Variants in NTNG1 observed in about 807,000 individuals in gnomAD.
NTNG1 encodes netrin G1.
Under a neutral mutation model 54.0 loss-of-function variants are expected in NTNG1, and 16 were observed. The observed-to-expected ratio is 0.30, with a 90% CI of 0.20 to 0.45. The LOEUF is 0.45. Ranked by LOEUF, NTNG1 falls within the 20% of genes least tolerant of loss-of-function variation. The pLI, the probability that NTNG1 is intolerant of heterozygous loss-of-function variation, is 1.00. For missense variants in NTNG1, 530 were observed against 678.7 expected (o/e 0.78, Z 2.43); for synonymous variants, 255 against 263.1 (o/e 0.97, Z 0.30).
At chr1:107,157,227 T>G (rs1217424789) in intron 2 of NTNG1, among the ~76,000 whole-genome samples, 1 of 152,222 alleles carries the variant, frequency 6.6e-6, no homozygotes, top group Non-Finnish European at 1.5e-5. Context: ...TACCAAACAT[T>G]GCATAATGTC....
At chr1:107,187,692 C>G (rs1289040012) in intron 2 of NTNG1, among the ~76,000 whole-genome samples, 2 of 152,112 alleles carry the variant, frequency 1.3e-5, no homozygotes, top group Non-Finnish European at 2.9e-5. Flanking sequence ...ATCTGAGATA[C>G]TAAATATCGC....
intron 2 of NTNG1, among the ~76,000 whole-genome samples, chr1:107,312,416 G>A (rs540606675): frequency 3.0e-4 from 46 of 151,974 alleles, no homozygotes; most frequent in African/African-American, 1.1e-3. Context: ...AGCACTTAAC[G>A]TGCATTATAT....
chr1:107,258,920 A>C (rs1281907616), intron 2 of NTNG1, among the ~76,000 whole-genome samples: 1 of 152,184 alleles, frequency 6.6e-6, no homozygotes, highest in Non-Finnish European at 1.5e-5. Context: ...GAAAGGAAAA[A>C]AAAGTAAGAT....
intron 3 of NTNG1, among the ~76,000 whole-genome samples, chr1:107,370,314 G>C (rs1670842148): frequency 6.7e-6 from 1 of 149,450 alleles, no homozygotes; most frequent in Admixed American, 6.7e-5. Context: ...TGAATCCATT[G>C]ATAAGTTTAG....
chr1:107,470,018 T>A (rs1677877589), intron 7 of NTNG1, among the ~76,000 whole-genome samples: 1 of 152,174 alleles, frequency 6.6e-6, no homozygotes, highest in Admixed American at 6.5e-5. Context: ...ACCAACAAGA[T>A]GGTCATCCGT....
intron 2 of NTNG1, among the ~76,000 whole-genome samples, chr1:107,323,409 T>C (rs976189057): frequency 2.0e-5 from 3 of 152,168 alleles, no homozygotes; most frequent in Non-Finnish European, 2.9e-5. Flanking sequence ...TTCTAGCTTC[T>C]TGTTTGAATG....
At chr1:107,199,296 T>C (rs1658559697) in intron 2 of NTNG1, among the ~76,000 whole-genome samples, 1 of 149,754 alleles carries the variant, frequency 6.7e-6, no homozygotes, top group Non-Finnish European at 1.5e-5. Flanking sequence ...TTTCTATTCC[T>C]AATTCTGGAA....
At chr1:107,355,266 A>T (rs1464447077) in intron 3 of NTNG1, among the ~76,000 whole-genome samples, 27 of 146,448 alleles carry the variant, frequency 1.8e-4, no homozygotes, top group Middle Eastern at 7.4e-3. Context: ...TTTTTTTTTT[A>T]ACTTTTTTAT....
chr1:107,421,508 A>C (rs978693771), intron 5 of NTNG1, among the ~76,000 whole-genome samples: 1 of 152,116 alleles, frequency 6.6e-6, no homozygotes. Flanking sequence ...GCTTTTCATG[A>C]GACCAGAAAG....
intron 2 of NTNG1, among the ~76,000 whole-genome samples, chr1:107,162,849 C>G (rs1307886766): frequency 2.6e-5 from 4 of 152,120 alleles, no homozygotes; most frequent in African/African-American, 9.7e-5. Context: ...AACTGGAAGT[C>G]TTTTTGCTTA....
chr1:107,305,847 T>C (rs1666664409), intron 2 of NTNG1, among the ~76,000 whole-genome samples: 1 of 152,182 alleles, frequency 6.6e-6, no homozygotes, highest in Admixed American at 6.5e-5. Flanking sequence ...TATTGTTCTG[T>C]TTTTCATCTT....
chr1:107,394,482 T>C (rs1489820402), intron 3 of NTNG1, among the ~76,000 whole-genome samples: 2 of 152,168 alleles, frequency 1.3e-5, no homozygotes, highest in African/African-American at 4.8e-5. Context: ...TCATTTGGCC[T>C]GTTTCTGAGA....
chr1:107,219,825 G>C (rs934458241), intron 2 of NTNG1, among the ~76,000 whole-genome samples: 1 of 152,184 alleles, frequency 6.6e-6, no homozygotes, highest in African/African-American at 2.4e-5. Flanking sequence ...CTCTGTGAGG[G>C]TCCTTGGTAG....
At chr1:107,261,450 G>T (rs562234466) in intron 2 of NTNG1, among the ~76,000 whole-genome samples, 2 of 150,912 alleles carry the variant, frequency 1.3e-5, no homozygotes, top group South Asian at 2.1e-4. Context: ...TGTTTCACAG[G>T]ATTTAAAAAA....
At chr1:107,392,519 A>C (rs945319321) in intron 3 of NTNG1, among the ~76,000 whole-genome samples, 1 of 151,914 alleles carries the variant, frequency 6.6e-6, no homozygotes, top group East Asian at 1.9e-4. Flanking sequence ...CAGAGGGGAG[A>C]GTGTCAGGGG....
intron 3 of NTNG1, among the ~76,000 whole-genome samples, chr1:107,344,817 G>A (rs1439948985): frequency 6.6e-6 from 1 of 151,964 alleles, no homozygotes; most frequent in East Asian, 1.9e-4. Context: ...TTGTCTAGTT[G>A]GCTGACAACA....
At chr1:107,413,285 C>G (rs1673961061) in intron 5 of NTNG1, among the ~76,000 whole-genome samples, 1 of 151,956 alleles carries the variant, frequency 6.6e-6, no homozygotes, top group Non-Finnish European at 1.5e-5. Context: ...ACCTCAGCCT[C>G]CTGAATAGCT....
chr1:107,203,014 T>C (rs1229118501), intron 2 of NTNG1, among the ~76,000 whole-genome samples: 1 of 152,008 alleles, frequency 6.6e-6, no homozygotes, highest in Non-Finnish European at 1.5e-5. Flanking sequence ...AATTATTTAA[T>C]ATATCCACAC....
chr1:107,259,819 A>G (rs1370836930), intron 2 of NTNG1, among the ~76,000 whole-genome samples: 2 of 152,120 alleles, frequency 1.3e-5, no homozygotes, highest in Non-Finnish European at 2.9e-5. Flanking sequence ...TTAGGTCTCT[A>G]CTTTTCTTCT....
Sources: gnomAD v4.1 joint callset for allele counts (sites outside exome capture counted in the v4.1 genomes callset) on GRCh38, gnomAD v4.1.1 for gene constraint, MANE v1.5 for transcripts, NCBI Gene and HGNC (gene_info 2026-07-23, HGNC 2026-07-21) for gene names.